Variants in TTYH2 observed in about 807,000 individuals in gnomAD.
TTYH2 encodes the protein tweety family member 2.
In TTYH2, 49 loss-of-function variants were observed where a neutral mutation model predicts 68.3. The ratio of observed to expected loss-of-function variants is 0.72; its 90% CI spans 0.57 to 0.91. The LOEUF is 0.91. Ranked by LOEUF, TTYH2 falls within the 40% of genes least tolerant of loss-of-function variation. The probability of loss-of-function intolerance (pLI) is 0.00; values close to 1 mark genes in which losing one functional copy is unlikely to be tolerated. For synonymous variants in TTYH2, 272 were observed against 300.8 expected (o/e 0.90, Z 0.99); for missense variants, 631 against 700.4 (o/e 0.90, Z 1.12).
At chr17:74,252,157 G>A in intron 10 of TTYH2, 77 bp from the exon 11 acceptor site, 1 of 1,578,092 alleles carries the variant, frequency 6.3e-7, no homozygotes, top group Non-Finnish European at 8.6e-7. Flanking sequence ...GGGGGAGAGG[G>A]ACTTCCAGAG....
chr17:74,233,183 C>G (rs114302565), intron 3 of TTYH2, among the ~76,000 whole-genome samples: 2,729 of 152,254 alleles, frequency 0.018, 88 homozygotes, highest in African/African-American at 0.061. Flanking sequence ...CTGGCGTGAA[C>G]CCCTAGGGCC....
intron 2 of TTYH2, 96 bp from the exon 3 acceptor site, chr17:74,230,792 G>C: frequency 1.6e-6 from 2 of 1,246,266 alleles, no homozygotes; most frequent in Non-Finnish European, 2.2e-6. Context: ...TTACAGGCAT[G>C]AGCCACCGCA....
intron 5 of TTYH2, 63 bp from the exon 6 acceptor site, chr17:74,243,914 T>C: frequency 8.3e-7 from 1 of 1,203,960 alleles, no homozygotes; most frequent in South Asian, 1.3e-5. Flanking sequence ...GCAGGGTGGG[T>C]GGGGTGATGG....
intron 2 of TTYH2, among the ~76,000 whole-genome samples, chr17:74,229,859 A>G (rs909180348): frequency 1.3e-5 from 2 of 152,236 alleles, no homozygotes; most frequent in Non-Finnish European, 2.9e-5. Flanking sequence ...GGCCAGGTGC[A>G]GTGGCTCACG....
chr17:74,244,437 G>A (rs555013024), intron 6 of TTYH2, among the ~76,000 whole-genome samples: 3 of 152,326 alleles, frequency 2.0e-5, no homozygotes, highest in Non-Finnish European at 2.9e-5. Context: ...CTCAGACTGG[G>A]GAATCCCTCC....
At chr17:74,233,943 G>A (rs1185655336) in intron 3 of TTYH2, among the ~76,000 whole-genome samples, 3 of 152,292 alleles carry the variant, frequency 2.0e-5, no homozygotes, top group Non-Finnish European at 4.4e-5. Flanking sequence ...ACCCGAGGTT[G>A]AAAATGTGTA....
intron 10 of TTYH2, 151 bp from the exon 11 acceptor site, chr17:74,252,083 A>G (rs1184372489): frequency 1.1e-6 from 1 of 902,480 alleles, no homozygotes; most frequent in Non-Finnish European, 1.7e-6. Context: ...CAGAGTGTGG[A>G]CCTTTAATGG....
intron 2 of TTYH2, among the ~76,000 whole-genome samples, chr17:74,224,062 C>T (rs1429302994): frequency 1.3e-5 from 2 of 152,194 alleles, no homozygotes; most frequent in East Asian, 3.9e-4. Context: ...AGGTCACAGT[C>T]GAGTGCGGTT....
intron 13 of TTYH2, among the ~76,000 whole-genome samples, chr17:74,257,985 C>A (rs2050710120): frequency 6.6e-6 from 1 of 151,968 alleles, no homozygotes; most frequent in Non-Finnish European, 1.5e-5. Flanking sequence ...GAAACCCCGT[C>A]TCTACTAAAA....
In TTYH2 at chr17:74,260,369, G is replaced by A; in HGVS notation, c.*160G>A. On this transcript the variant is annotated 3_prime_UTR_variant, in exon 14 of 14. Transcript: ENST00000269346. ...GGATTCCCGACCAAAGCCCCAGGGG[G>A]TGCAGAAGACTCACCACGCGGGCCA... The A allele has an allele frequency of 1.5e-5, 11 of 710,134 alleles. No individual in the cohort carries two copies. The South Asian group carries it at 1.9e-4, about 12-fold the overall frequency. 44.0% of individuals were successfully genotyped at this position (710,134 alleles called of 1,614,324 possible).
In TTYH2 at chr17:74,260,326, G is replaced by A. The variant is rs1025469127; in HGVS notation, c.*117G>A. The A allele has an allele frequency of 3.8e-6, 4 of 1,054,692 alleles. No individual in the cohort carries two copies. Among genetic ancestry groups the A allele is most frequent in the Non-Finnish European group, 4.3e-6 (3 of 699,322 alleles). 65.3% of individuals were successfully genotyped at this position (1,054,692 alleles called of 1,614,324 possible). On this transcript the variant is annotated 3_prime_UTR_variant, in exon 14 of 14. Coordinates refer to ENST00000269346, the MANE Select transcript of TTYH2 (RefSeq NM_032646.6). The stretch of plus-strand genomic sequence containing the variant: ...TCTGGAGCCCGAGAGGCCTCCTGCT[G>A]TGGCAGAGGAGCAGCTGGGATTCCC...
chr17:74,237,977 T>C (rs2050460780), intron 4 of TTYH2, among the ~76,000 whole-genome samples: 1 of 152,120 alleles, frequency 6.6e-6, no homozygotes, highest in South Asian at 2.1e-4. Context: ...CAGGAGAACA[T>C]GGGGGCTTAC....
At chr17:74,244,866 G>A (rs1225685800) in intron 6 of TTYH2, among the ~76,000 whole-genome samples, 1 of 151,860 alleles carries the variant, frequency 6.6e-6, no homozygotes, top group East Asian at 1.9e-4. Context: ...GTGTGTGTGT[G>A]TGTGTGTGTG....
At chr17:74,244,724 G>A (rs1253198677) in intron 6 of TTYH2, among the ~76,000 whole-genome samples, 2 of 152,176 alleles carry the variant, frequency 1.3e-5, no homozygotes, top group Non-Finnish European at 2.9e-5. Flanking sequence ...GGTGGCACTC[G>A]ATGGTACAAG....
chr17:74,245,482 A>G lies in TTYH2; in HGVS notation c.804+1433A>G, dbSNP rs1450829924. ...CCTTCTGGAGGCAGCGGTGGCTTCC[A>G]GCTTGCCGCTGTGAGCTGCCCTGTG... On this transcript the variant is annotated intron_variant, in intron 6 of 13. Coordinates refer to ENST00000269346, the MANE Select transcript of TTYH2 (RefSeq NM_032646.6). 1.3e-5 allele frequency among the ~76,000 whole-genome samples: 2 copies of G among 152,248 alleles called. 1 individual carries two copies. The highest frequency in any genetic ancestry group is 3.9e-4 in the East Asian group (2 of 5,190).
chr17:74,244,082 T>C, intron 6 of TTYH2, 33 bp downstream of exon 6: 10 of 1,598,968 alleles, frequency 6.3e-6, no homozygotes, highest in Non-Finnish European at 8.5e-6. Flanking sequence ...TGGTGGGTGG[T>C]GGTTGGTCTG....
rs1376778205 is a variant in TTYH2 at position 74,222,290 on chromosome 17, C to T, written c.130-195C>T. Among the ~76,000 whole-genome samples the T allele has an allele frequency of 2.0e-5, 3 of 152,248 alleles. No homozygotes were observed. The highest frequency in any genetic ancestry group is 7.2e-5 in the African/African-American group (3 of 41,466). Reference sequence around the variant, plus strand: ...ACTTGGCCTCATGCCCTGTAAGCTCCATCACTCCCACCCAAGTGCCTCAGC... The same window carrying T: ...ACTTGGCCTCATGCCCTGTAAGCTCTATCACTCCCACCCAAGTGCCTCAGC... On this transcript the variant is annotated intron_variant, in intron 1 of 13. Coordinates refer to ENST00000269346, the MANE Select transcript of TTYH2 (RefSeq NM_032646.6). This position sits in a 1 kb window ranked among gnomAD's most constrained non-coding sequence, Gnocchi z 5.2.
chr17:74,253,888 C>T, intron 13 of TTYH2, 55 bp downstream of exon 13: 1 of 1,556,844 alleles, frequency 6.4e-7, no homozygotes, highest in Non-Finnish European at 8.9e-7. Flanking sequence ...ACAAAACCTC[C>T]TGCCAACCCA....
chr17:74,220,260 T>G (rs916341928), intron 1 of TTYH2, among the ~76,000 whole-genome samples: 1 of 152,214 alleles, frequency 6.6e-6, no homozygotes, highest in Non-Finnish European at 1.5e-5. Context: ...CAGATGGAGC[T>G]CTGTGTTGCA....
Sources: allele counts gnomAD v4.1 joint callset (sites outside exome capture counted in the v4.1 genomes callset), GRCh38; gene constraint gnomAD v4.1.1; non-coding constraint Gnocchi (gnomAD v3.1); transcripts MANE v1.5; gene names NCBI Gene and HGNC (gene_info 2026-07-23, HGNC 2026-07-21).